Variants in AFF3 observed in about 807,000 individuals in gnomAD.
AFF3 encodes ALF transcription elongation factor 3.
In AFF3, 32 loss-of-function variants were observed where a neutral mutation model predicts 129.7. The ratio of observed to expected loss-of-function variants is 0.25; its 90% CI spans 0.19 to 0.33. The LOEUF (loss-of-function observed/expected upper bound fraction) is 0.33, where lower values mean the gene tolerates loss of function less well. Among genes scored for constraint, AFF3 ranks in the 10% least tolerant of loss-of-function variants. AFF3 has a pLI of 1.00. For synonymous variants in AFF3, 644 were observed against 635.4 expected, an observed-to-expected ratio of 1.01 and a Z score of -0.20; for missense variants, 1,373 against 1,592.0, an observed-to-expected ratio of 0.86 and a Z score of 2.34.
intron 15 of AFF3, among the ~76,000 whole-genome samples, chr2:99,590,364 C>T (rs1678547225): frequency 6.6e-6 from 1 of 152,200 alleles, no homozygotes; most frequent in Admixed American, 6.5e-5. Context: ...AGTCAAAGCT[C>T]CATATGCCCC....
intron 7 of AFF3, among the ~76,000 whole-genome samples, chr2:99,986,266 T>C (rs1230398252): frequency 2.0e-5 from 3 of 149,966 alleles, no homozygotes; most frequent in African/African-American, 7.3e-5. Context: ...GGACATGCAC[T>C]GTGTTTTCTG....
chr2:99,579,952 G>A (rs978300813), intron 17 of AFF3, among the ~76,000 whole-genome samples: 2 of 152,158 alleles, frequency 1.3e-5, no homozygotes, highest in Non-Finnish European at 1.5e-5. Context: ...CTGCTTTTAC[G>A]TGTAGCACTG....
At chr2:99,737,251 T>C (rs1197206728) in intron 10 of AFF3, among the ~76,000 whole-genome samples, 1 of 152,180 alleles carries the variant, frequency 6.6e-6, no homozygotes, top group African/African-American at 2.4e-5. Context: ...TTTGATTACT[T>C]AACAATATAT....
chr2:99,668,915 CTTAAT>C (rs1686920139), intron 12 of AFF3, among the ~76,000 whole-genome samples: 2 of 152,124 alleles, frequency 1.3e-5, no homozygotes, highest in Non-Finnish European at 2.9e-5. Flanking sequence ...GGGGACCCTT[CTTAAT>C]TCATTTTATA....
intron 7 of AFF3, among the ~76,000 whole-genome samples, chr2:99,942,004 C>T (rs931671621): frequency 2.0e-5 from 3 of 152,204 alleles, no homozygotes; most frequent in African/African-American, 7.2e-5. Flanking sequence ...ACTGAACACA[C>T]AGATACAACA....
chr2:99,842,713 A>G (rs1689406853), intron 7 of AFF3, among the ~76,000 whole-genome samples: 1 of 152,202 alleles, frequency 6.6e-6, no homozygotes, highest in African/African-American at 2.4e-5. Context: ...AGAAATGTAC[A>G]GAACTATGCT....
In AFF3 at chr2:99,593,893, G is replaced by C; in HGVS notation, c.1768C>G (p.Arg590Gly). 6.7e-7 allele frequency: 1 copy of C among 1,486,370 alleles called. No individual in the cohort carries two copies. Among genetic ancestry groups the C allele is most frequent in the Non-Finnish European group, 8.9e-7 (1 of 1,125,914 alleles). 92.1% of individuals were successfully genotyped at this position (1,486,370 alleles called of 1,614,324 possible). A position where few individuals can be genotyped will look rare whatever the true frequency, so the allele number is the denominator to read the frequency against. The change falls in exon 15 of 25, where the codon CGC becomes GGC. Residue 590 changes from arginine (R) to glycine (G), a missense_variant. Around this residue, in one of 9 missense-constraint regions of AFF3, gnomAD observed 466 missense variants for 505.0 expected, o/e 0.92. Coordinates refer to ENST00000672756, the MANE Select transcript of AFF3 (RefSeq NM_001386135.1). ...TCCCCGGCTGAGGTCCTCTCGGTGC[G>C]CCTGGTGGGCTTCTTGCCCGCGGAC... Reference protein sequence around the residue: ...RRSAGKKPTRRTERTSAGDGA... With the variant: ...RRSAGKKPTRGTERTSAGDGA...
intron 11 of AFF3, among the ~76,000 whole-genome samples, chr2:99,678,482 T>C (rs556332823): frequency 6.6e-6 from 1 of 152,084 alleles, no homozygotes; most frequent in Non-Finnish European, 1.5e-5. Flanking sequence ...TTTCACAGAG[T>C]AGTGGTTTTT....
At chr2:99,559,723 G>A (rs1319706864) in intron 21 of AFF3, among the ~76,000 whole-genome samples, 1 of 152,186 alleles carries the variant, frequency 6.6e-6, no homozygotes, top group Admixed American at 6.5e-5. Context: ...CCAACATTCT[G>A]GGTGCAATGG....
intron 22 of AFF3, 141 bp from the exon 23 acceptor site, chr2:99,554,873 G>GGGAA: frequency 1.1e-6 from 1 of 893,770 alleles, no homozygotes; most frequent in Non-Finnish European, 1.7e-6. Flanking sequence ...AACTGGACCT[G>GGGAA]GGAAGTCTCC....
intron 12 of AFF3, among the ~76,000 whole-genome samples, chr2:99,667,960 T>C (rs1686821434): frequency 6.6e-6 from 1 of 151,674 alleles, no homozygotes; most frequent in East Asian, 2.0e-4. Flanking sequence ...ATCGAGACCA[T>C]CCTGGCTAAC....
At chr2:99,895,839 T>G (rs1356152676) in intron 7 of AFF3, among the ~76,000 whole-genome samples, 2 of 151,988 alleles carry the variant, frequency 1.3e-5, no homozygotes, top group Non-Finnish European at 1.5e-5. Context: ...GAGGCTGAGG[T>G]GGGTGGATCA....
chr2:99,618,729 A>G (rs1201132570), intron 13 of AFF3, among the ~76,000 whole-genome samples: 1 of 152,228 alleles, frequency 6.6e-6, no homozygotes, highest in East Asian at 1.9e-4. Context: ...ATGTTTTCTC[A>G]GGAAGGAATT....
intron 4 of AFF3, among the ~76,000 whole-genome samples, chr2:100,092,932 T>A (rs976510145): frequency 1.3e-5 from 2 of 151,404 alleles, no homozygotes; most frequent in Non-Finnish European, 2.9e-5. Flanking sequence ...TATAAACATA[T>A]CAAGGGCTAG....
At chr2:99,886,227 T>C (rs1687472804) in intron 7 of AFF3, among the ~76,000 whole-genome samples, 1 of 152,214 alleles carries the variant, frequency 6.6e-6, no homozygotes, top group Admixed American at 6.5e-5. Flanking sequence ...TGACCTTACT[T>C]GACCATGCTA....
chr2:99,753,059 G>A (rs529270933), intron 8 of AFF3, among the ~76,000 whole-genome samples: 35 of 151,882 alleles, frequency 2.3e-4, no homozygotes, highest in Non-Finnish European at 3.1e-4. Flanking sequence ...TGACCAGGAC[G>A]CCAACTTGGA....
intron 11 of AFF3, among the ~76,000 whole-genome samples, chr2:99,714,872 T>C (rs1219044604): frequency 6.6e-6 from 1 of 152,246 alleles, no homozygotes; most frequent in East Asian, 1.9e-4. Context: ...ATGAATATTA[T>C]ATCAATGCAG....
chr2:100,011,136 C>T (rs1218146199), intron 4 of AFF3, among the ~76,000 whole-genome samples: 4 of 151,898 alleles, frequency 2.6e-5, no homozygotes, highest in Non-Finnish European at 5.9e-5. Flanking sequence ...TAGCCAGGGG[C>T]GGTGGTGGGC....
intron 11 of AFF3, among the ~76,000 whole-genome samples, chr2:99,711,517 G>A (rs999669544): frequency 1.3e-5 from 2 of 152,164 alleles, no homozygotes; most frequent in Non-Finnish European, 2.9e-5. Flanking sequence ...GGTGCAAAGA[G>A]AACCTGCGAT....
Sources: allele counts gnomAD v4.1 joint callset (sites outside exome capture counted in the v4.1 genomes callset), GRCh38; gene constraint gnomAD v4.1.1; regional missense constraint gnomAD v4.1.1; transcripts MANE v1.5; gene names NCBI Gene and HGNC (gene_info 2026-07-23, HGNC 2026-07-21).